Variants in KCTD19 observed in about 807,000 individuals in gnomAD.
KCTD19 encodes the protein potassium channel tetramerization domain containing 19.
Under a neutral mutation model 103.5 loss-of-function variants are expected in KCTD19, and 67 were observed. The observed-to-expected ratio is 0.65, with a 90% confidence interval of 0.53 to 0.79. The LOEUF is 0.79. KCTD19 is among the 30% of genes least tolerant of loss of function. The pLI is 0.00. For missense variants in KCTD19, 980 were observed against 1,136.1 expected (o/e 0.86, Z 1.98); for synonymous variants, 439 against 452.2 (o/e 0.97, Z 0.37).
chr16:67,325,327 C>G (rs901903069), intron 1 of KCTD19, among the ~76,000 whole-genome samples: 5 of 151,526 alleles, frequency 3.3e-5, no homozygotes, highest in Non-Finnish European at 7.4e-5. Context: ...GCCTCAGCCT[C>G]CAGCCTCCTC....
In KCTD19 at chr16:67,320,521, G is replaced by C; in HGVS notation, c.300+68C>G. The C allele has an allele frequency of 1.4e-6, 2 of 1,473,636 alleles. No individual in the cohort carries two copies. The highest frequency in any genetic ancestry group is 1.9e-6 in the Non-Finnish European group (2 of 1,077,694). The allele number at this position is 1,473,636 out of a possible 1,614,324, so 91.3% of individuals were successfully genotyped here. ...CATCTCAGCAACCAATATATAACAG[G>C]AAACAATATTTAGTGATGTAAAGCC... On this transcript the variant is annotated intron_variant, in intron 2 of 15. Transcript: ENST00000304372. The surrounding 1 kb of genome is among the most constrained non-coding windows in gnomAD (Gnocchi z 4.0).
Position 67,303,728 on chromosome 16 carries a change from A to G in KCTD19, c.452-391T>C, listed in dbSNP as rs1046758923. Among the ~76,000 whole-genome samples, 4 of 151,880 alleles carry G rather than the reference A, an allele frequency of 2.6e-5. No homozygotes were observed. The highest frequency in any genetic ancestry group is 9.7e-5 in the African/African-American group (4 of 41,344). On this transcript the variant is annotated intron_variant, in intron 3 of 15. Transcript: ENST00000304372. The surrounding 1 kb of genome is among the most constrained non-coding windows in gnomAD (Gnocchi z 4.3). ...ACACCCAGCTAATTTTTGTGTTTTC[A>G]GTAGAGACGGGGTTTCACCATGTTG... is the stretch of plus-strand genomic sequence containing the variant.
chr16:67,299,605 C>T (rs766015569), intron 5 of KCTD19, 32 bp from the exon 6 acceptor site: 4 of 1,582,180 alleles, frequency 2.5e-6, no homozygotes, highest in South Asian at 1.1e-5. Context: ...GACTCCTAGG[C>T]CCCCCATGGT....
At position 67,326,733 on chromosome 16, in the gene KCTD19, C is replaced by T. The variant is rs780502409; in HGVS notation, c.-26G>A. On this transcript the variant is annotated 5_prime_UTR_variant, in exon 1 of 16. Transcript: ENST00000304372. Reference sequence around the variant, plus strand: ...GGTCGCGGCTCCAGCAGCGGGCGGGCGGGCTTGTGACCCGGCCAATAACGG... The same window carrying T: ...GGTCGCGGCTCCAGCAGCGGGCGGGTGGGCTTGTGACCCGGCCAATAACGG... 1.9e-6 allele frequency: 3 copies of T among 1,570,442 alleles called. No individual in the cohort carries two copies. Among genetic ancestry groups the T allele is most frequent in the East Asian group, 2.5e-5 (1 of 39,646 alleles).
At position 67,320,682 on chromosome 16, in the gene KCTD19, G is replaced by T; in HGVS notation, c.207C>A (p.Tyr69Ter). The T allele has an allele frequency of 6.2e-7, 1 of 1,614,150 alleles. No individual in the cohort carries two copies. The highest frequency in any genetic ancestry group is 8.5e-7 in the Non-Finnish European group (1 of 1,180,014). ...DGSTFRHVHYYLYTSKLSFSS... is the reference protein window; with the variant it reads ...DGSTFRHVHY The stretch of plus-strand genomic sequence containing the variant: ...AGAAGGAGAGTTTGGAGGTGTAGAG[G>T]TAATAGTGCACGTGCCTAAATGTGG... Residue 69 changes from tyrosine (Y) to a stop codon, truncating the protein, a stop_gained, in exon 2 of 16, where the codon TAC (tyrosine) becomes TAA (stop). Transcript: ENST00000304372. LOFTEE classifies it high-confidence loss of function. The surrounding 1 kb of genome is among the most constrained non-coding windows in gnomAD (Gnocchi z 4.0).
intron 2 of KCTD19, among the ~76,000 whole-genome samples, chr16:67,306,609 C>A (rs1310675342): frequency 6.6e-6 from 1 of 152,116 alleles, no homozygotes; most frequent in Non-Finnish European, 1.5e-5. Flanking sequence ...GGTCCCCTAG[C>A]CCCCAGGTCC....
Position 67,293,460 on chromosome 16 carries a change from C to G in KCTD19, c.2218+84G>C, listed in dbSNP as rs983096489. The G allele has an allele frequency of 2.8e-5, 42 of 1,480,746 alleles. No individual in the cohort carries two copies. The highest frequency in any genetic ancestry group is 3.7e-5 in the Non-Finnish European group (40 of 1,088,532). The allele number at this position is 1,480,746 out of a possible 1,614,324, so 91.7% of individuals were successfully genotyped here. Reference sequence around the variant, plus strand: ...GCGGGGGGGTCTAGTCCTCCTTTGTCACTAACTTGCTCTGCCATCTTGGCC... The same window carrying G: ...GCGGGGGGGTCTAGTCCTCCTTTGTGACTAACTTGCTCTGCCATCTTGGCC... On this transcript the variant is annotated intron_variant, in intron 12 of 15. Transcript: ENST00000304372. This position sits in a 1 kb window ranked among gnomAD's most constrained non-coding sequence, Gnocchi z 4.0.
intron 2 of KCTD19, among the ~76,000 whole-genome samples, chr16:67,312,331 T>C (rs2036958198): frequency 6.6e-6 from 1 of 152,222 alleles, no homozygotes; most frequent in Non-Finnish European, 1.5e-5. Context: ...AGGGCTCAGA[T>C]CAGTTTACAT....
At chr16:67,325,400 ATTTTG>A (rs1436813108) in intron 1 of KCTD19, among the ~76,000 whole-genome samples, 49 of 149,232 alleles carry the variant, frequency 3.3e-4, no homozygotes, top group Middle Eastern at 3.4e-3. Flanking sequence ...ATTTTATTTT[ATTTTG>A]TTTTATTTTT....
At chr16:67,310,143 C>T (rs181942177) in intron 2 of KCTD19, among the ~76,000 whole-genome samples, 15 of 152,272 alleles carry the variant, frequency 9.9e-5, no homozygotes, top group Admixed American at 7.2e-4. Flanking sequence ...GAAAGCCATT[C>T]GGGTGCTATA....
At chr16:67,290,430 G>A (rs565340715) in intron 15 of KCTD19, among the ~76,000 whole-genome samples, 4 of 152,068 alleles carry the variant, frequency 2.6e-5, no homozygotes, top group South Asian at 2.1e-4. Context: ...CACCCGCCTC[G>A]GCCTCCCAAA....
chr16:67,318,950 C>T (rs1048519069), intron 2 of KCTD19, among the ~76,000 whole-genome samples: 9 of 152,088 alleles, frequency 5.9e-5, no homozygotes, highest in Non-Finnish European at 1.2e-4. Context: ...AGGCCAGGTG[C>T]GGTGGCTCAC....
chr16:67,314,830 T>TATATATATATAGAGAGAG (rs1430877802), intron 2 of KCTD19, among the ~76,000 whole-genome samples: 1 of 33,652 alleles, frequency 3.0e-5, no homozygotes, highest in African/African-American at 2.1e-4. Flanking sequence ...TATATATATA[T>TATATATATATAGAGAGAG]AGAGAGAGAG....
Position 67,289,582 on chromosome 16 carries a change from A to T in KCTD19, c.2768T>A (p.Leu923Gln). ...TCTCTGGGCACCCTAGTCCTCTTGTAGGTACTTTCCCAGGATGGAGTAAGA... is the reference window on the plus strand; with the variant it reads ...TCTCTGGGCACCCTAGTCCTCTTGTTGGTACTTTCCCAGGATGGAGTAAGA... The part of the protein sequence containing the change: ...SVSYSILGKY[L>Q]QED The change falls in exon 16 of 16, where the codon CTA becomes CAA. Residue 923 changes from leucine to glutamine, a missense_variant. Coordinates refer to ENST00000304372, the MANE Select transcript of KCTD19 (RefSeq NM_001100915.3). The T allele has an allele frequency of 6.2e-7, 1 of 1,610,946 alleles. No homozygotes were observed. Among genetic ancestry groups the T allele is most frequent in the Non-Finnish European group, 8.5e-7 (1 of 1,177,142 alleles).
intron 2 of KCTD19, among the ~76,000 whole-genome samples, chr16:67,315,781 T>C (rs867167776): frequency 3.3e-5 from 5 of 151,312 alleles, no homozygotes; most frequent in Non-Finnish European, 7.4e-5. Context: ...GCCTGGCTAA[T>C]TTTTTTGTTT....
Position 67,320,994 on chromosome 16 carries a change from A to G in KCTD19, c.4-109T>C. The G allele has an allele frequency of 1.0e-6, 1 of 995,442 alleles. No homozygotes were observed. Among genetic ancestry groups the G allele is most frequent in the Non-Finnish European group, 1.4e-6 (1 of 692,894 alleles). The allele number at this position is 995,442 out of a possible 1,614,324, so 61.7% of individuals were successfully genotyped here. ...CTGTTTGCTGATGACATGATCTTGT[A>G]TATAAAAAATCCTAAGGAATTCACC... On this transcript the variant is annotated intron_variant, in intron 1 of 15. Coordinates refer to ENST00000304372, the MANE Select transcript of KCTD19 (RefSeq NM_001100915.3). The surrounding 1 kb of genome is among the most constrained non-coding windows in gnomAD (Gnocchi z 4.0).
Position 67,320,869 on chromosome 16 carries a change from G to A in KCTD19, c.20C>T (p.Ala7Val). 5 of 1,613,532 alleles carry A rather than the reference G, an allele frequency of 3.1e-6. No individual in the cohort carries two copies. The highest frequency in any genetic ancestry group is 4.2e-6 in the Non-Finnish European group (5 of 1,179,772). The change falls in exon 2 of 16, where the codon GCT becomes GTT. Residue 7 changes from alanine to valine, a missense_variant. Coordinates refer to ENST00000304372, the MANE Select transcript of KCTD19 (RefSeq NM_001100915.3). This position sits in a 1 kb window ranked among gnomAD's most constrained non-coding sequence, Gnocchi z 4.0. ...AAACAAGTCCTCTGCTGATTCATGA[G>A]CCATGCCAGACTCCTCCTAAAGGGG... is the stretch of plus-strand genomic sequence containing the variant. Reference protein sequence around the residue: MEESGMAHESAEDLFHF... With the variant: MEESGMVHESAEDLFHF...
At chr16:67,314,822 TATATATATAGAG>T (rs1460448587) in intron 2 of KCTD19, among the ~76,000 whole-genome samples, 215 of 70,522 alleles carry the variant, frequency 3.0e-3, no homozygotes, top group East Asian at 5.0e-3. Flanking sequence ...TATATATATA[TATATATATAGAG>T]AGAGAGAGAG....
chr16:67,299,908 A>G (rs2036815385), intron 5 of KCTD19: 1 of 301,570 alleles, frequency 3.3e-6, no homozygotes, highest in African/African-American at 2.2e-5. Context: ...CTCTTCTGTA[A>G]CCATCCAAAG....
Sources: gnomAD v4.1 joint callset for allele counts (sites outside exome capture counted in the v4.1 genomes callset) on GRCh38, gnomAD v4.1.1 for gene constraint, Gnocchi (gnomAD v3.1) non-coding constraint, MANE v1.5 for transcripts, NCBI Gene and HGNC (gene_info 2026-07-23, HGNC 2026-07-21) for gene names.